MTOR: variants seen among roughly 807,000 people sequenced by gnomAD.
MTOR encodes the protein serine/threonine-protein kinase mTOR.
A neutral mutation model predicts 319.8 loss-of-function variants in MTOR; 70 were observed. The observed-to-expected ratio is 0.22, with a 90% CI of 0.18 to 0.27. The LOEUF is 0.27. Among genes scored for constraint, MTOR ranks in the 10% least tolerant of loss-of-function variants. MTOR has a pLI of 1.00. For missense variants in MTOR, 1,890 were observed against 3,274.4 expected (o/e 0.58, Z 10.32); for synonymous variants, 1,183 against 1,211.4 (o/e 0.98, Z 0.49).
intron 19 of MTOR, among the ~76,000 whole-genome samples, chr1:11,227,656 G>A (rs1464960710): frequency 1.3e-5 from 2 of 149,936 alleles, no homozygotes; most frequent in East Asian, 3.9e-4. Context: ...AAAGACACAA[G>A]AAACAGCAAG....
rs376234829 is a variant in MTOR at position 11,146,799 on chromosome 1, C to T, written c.4571-8G>A. The T allele has an allele frequency of 1.9e-6, 3 of 1,603,270 alleles. No homozygotes were observed. The highest frequency in any genetic ancestry group is 2.7e-5 in the African/African-American group (2 of 74,722). Reference sequence around the variant, plus strand: ...CCATGCTGTCCCACTGACCTATACACACACACATAGACAGAAAGCATCAAG... The same window carrying T: ...CCATGCTGTCCCACTGACCTATACATACACACATAGACAGAAAGCATCAAG... On this transcript the variant is annotated splice_region_variant and splice_polypyrimidine_tract_variant and intron_variant, in intron 31 of 57. Transcript: ENST00000361445.
chr1:11,202,747 C>G (rs1646018493), intron 26 of MTOR, among the ~76,000 whole-genome samples: 1 of 151,934 alleles, frequency 6.6e-6, no homozygotes, highest in Non-Finnish European at 1.5e-5. Context: ...GACCTCGTCT[C>G]TACAAAAAAT....
At chr1:11,181,058 A>C (rs1029990238) in intron 28 of MTOR, among the ~76,000 whole-genome samples, 35 of 152,290 alleles carry the variant, frequency 2.3e-4, no homozygotes, top group Non-Finnish European at 4.7e-4. Context: ...TACAGGCATG[A>C]GCCACCTTGC....
intron 8 of MTOR, among the ~76,000 whole-genome samples, chr1:11,244,650 C>T (rs1165890888): frequency 6.6e-6 from 1 of 152,022 alleles, no homozygotes; most frequent in Non-Finnish European, 1.5e-5. Context: ...AACAAACAAA[C>T]AAAAAAACAG....
intron 6 of MTOR, among the ~76,000 whole-genome samples, chr1:11,252,397 A>C (rs552084021): frequency 6.6e-6 from 1 of 152,066 alleles, no homozygotes; most frequent in African/African-American, 2.4e-5. Flanking sequence ...TCAGCCTCCC[A>C]AAGTGCTGAA....
intron 13 of MTOR, among the ~76,000 whole-genome samples, chr1:11,235,318 C>T (rs1020716988): frequency 2.6e-5 from 4 of 152,212 alleles, no homozygotes; most frequent in Admixed American, 1.3e-4. Context: ...TGACCAAGAC[C>T]GCAAGAAAGG....
intron 49 of MTOR, among the ~76,000 whole-genome samples, chr1:11,117,310 G>A (rs762016859): frequency 7.4e-4 from 113 of 152,176 alleles, no homozygotes; most frequent in Admixed American, 3.7e-3. Flanking sequence ...ACAGGCACCC[G>A]CCACCATGCC....
intron 25 of MTOR, among the ~76,000 whole-genome samples, chr1:11,206,956 A>G (rs1646156537): frequency 6.6e-6 from 1 of 152,236 alleles, no homozygotes; most frequent in South Asian, 2.1e-4. Flanking sequence ...TAATATTATC[A>G]TAACAAATAA....
chr1:11,172,454 G>A (rs1644846861), intron 28 of MTOR, among the ~76,000 whole-genome samples: 1 of 150,488 alleles, frequency 6.6e-6, no homozygotes, highest in African/African-American at 2.5e-5. Context: ...TAGCTACACA[G>A]GAGACTGAGG....
At position 11,210,835 on chromosome 1, in the gene MTOR, C is replaced by A. The variant is rs1464800208; in HGVS notation, c.3633G>T (p.Val1211=). The change falls in exon 24 of 58, where the codon GTG becomes GTT. Residue 1211 remains valine (V), a synonymous_variant. Coordinates refer to ENST00000361445, the MANE Select transcript of MTOR (RefSeq NM_004958.4). ...RHRINHQRYD[V]LICRIVKGYT... ...TCACCTTGACAATTCTGCAGATGAG[C>A]ACATCATAGCGCTGATGATTGATTC... The A allele has an allele frequency of 1.9e-6, 3 of 1,612,190 alleles. No homozygotes were observed. The highest frequency in any genetic ancestry group is 2.7e-5 in the African/African-American group (2 of 74,986).
chr1:11,212,532 T>C lies in MTOR; in HGVS notation c.3399-58A>G. ...ACATACAATCTCCAAGGAAGAGACG[T>C]GACTGAGGGTGAGCTTAACAATCAG... On this transcript the variant is annotated intron_variant, in intron 22 of 57. Transcript: ENST00000361445. This position sits in a 1 kb window ranked among gnomAD's most constrained non-coding sequence, Gnocchi z 4.1. 6.4e-7 allele frequency: 1 copy of C among 1,563,752 alleles called. No homozygotes were observed. The highest frequency in any genetic ancestry group is 8.7e-7 in the Non-Finnish European group (1 of 1,152,976).
chr1:11,248,621 G>C (rs368970828), intron 6 of MTOR, among the ~76,000 whole-genome samples: 35 of 152,142 alleles, frequency 2.3e-4, no homozygotes, highest in African/African-American at 8.2e-4. Context: ...AGCCCAGCCT[G>C]GCCAACATGG....
intron 2 of MTOR, 75 bp downstream of exon 2, chr1:11,259,173 A>G (rs1650795785): frequency 7.1e-6 from 11 of 1,551,180 alleles, no homozygotes; most frequent in East Asian, 2.4e-5. Flanking sequence ...TAGCTGTACA[A>G]AAAAAAATGT....
intron 50 of MTOR, among the ~76,000 whole-genome samples, chr1:11,116,376 G>A (rs1642168064): frequency 6.6e-6 from 1 of 152,182 alleles, no homozygotes; most frequent in African/African-American, 2.4e-5. Flanking sequence ...ACACAGTGGT[G>A]CAATCACGGC....
At chr1:11,141,059 T>C (rs1379539562) in intron 34 of MTOR, among the ~76,000 whole-genome samples, 18 of 151,708 alleles carry the variant, frequency 1.2e-4, no homozygotes, top group Admixed American at 1.2e-3. Flanking sequence ...TTTCTACTAG[T>C]CTCAGATCAA....
intron 28 of MTOR, among the ~76,000 whole-genome samples, chr1:11,184,617 G>C (rs981300408): frequency 3.3e-5 from 5 of 152,080 alleles, no homozygotes; most frequent in African/African-American, 9.7e-5. Context: ...TGTATTCCCA[G>C]CTACTTTGGA....
Position 11,109,880 on chromosome 1 carries a change from T to C in MTOR, c.7367-151A>G, listed in dbSNP as rs1354023349. ...AGAAGGAAAGTTTTATGTTACTCTT[T>C]ATGTATTTCAAAGTTTTAAGCTGGA... On this transcript the variant is annotated intron_variant, in intron 54 of 57. Coordinates refer to ENST00000361445, the MANE Select transcript of MTOR (RefSeq NM_004958.4). This position sits in a 1 kb window ranked among gnomAD's most constrained non-coding sequence, Gnocchi z 4.0. 1 of 658,122 alleles carries C rather than the reference T, an allele frequency of 1.5e-6. No individual in the cohort carries two copies. The highest frequency in any genetic ancestry group is 2.6e-6 in the Non-Finnish European group (1 of 381,000). The allele number at this position is 658,122 out of a possible 1,614,324, so 40.8% of individuals were successfully genotyped here.
intron 54 of MTOR, 32 bp downstream of exon 54, chr1:11,112,820 G>A (rs1406647263): frequency 6.2e-7 from 1 of 1,612,596 alleles, no homozygotes. Flanking sequence ...ACAAGGGGGA[G>A]AGCCTTTGCG....
intron 49 of MTOR, 41 bp from the exon 50 acceptor site, chr1:11,117,127 T>C: frequency 6.7e-7 from 1 of 1,482,198 alleles, no homozygotes; most frequent in Non-Finnish European, 9.3e-7. Context: ...TTCTGGAAAC[T>C]TTAATTTCAA....
Sources: allele counts gnomAD v4.1 joint callset (sites outside exome capture counted in the v4.1 genomes callset), GRCh38; gene constraint gnomAD v4.1.1; non-coding constraint Gnocchi (gnomAD v3.1); transcripts MANE v1.5; gene names NCBI Gene and HGNC (gene_info 2026-07-23, HGNC 2026-07-21).